The following RXFP1 variants were observed in gnomAD, a reference collection of about 807,000 sequenced individuals.
The protein encoded by RXFP1 is relaxin receptor 1.
A neutral mutation model predicts 89.8 loss-of-function variants in RXFP1; 73 were observed. The observed-to-expected ratio is 0.81, with a 90% confidence interval of 0.67 to 0.99. The LOEUF (loss-of-function observed/expected upper bound fraction) is 0.99. RXFP1 is among the 50% of genes least tolerant of loss of function. The pLI, the probability that RXFP1 is intolerant of heterozygous loss-of-function variation, is 0.00. For missense variants in RXFP1, 793 were observed against 895.5 expected (o/e 0.89, Z 1.46); for synonymous variants, 277 against 305.5 (o/e 0.91, Z 0.97).
chr4:158,549,857 C>G (rs1193192500), intron 1 of RXFP1, among the ~76,000 whole-genome samples: 1 of 152,210 alleles, frequency 6.6e-6, no homozygotes, highest in East Asian at 1.9e-4. Context: ...TCAGTCTGCC[C>G]CTACTGGGGG....
chr4:158,638,146 T>G, intron 13 of RXFP1, 67 bp downstream of exon 13: 3 of 854,544 alleles, frequency 3.5e-6, no homozygotes, highest in South Asian at 1.6e-5. Context: ...AATGTATATT[T>G]TTATATATTT....
chr4:158,523,085 T>G (rs563020408), intron 1 of RXFP1, among the ~76,000 whole-genome samples: 104 of 152,300 alleles, frequency 6.8e-4, no homozygotes, highest in Admixed American at 3.3e-3. Context: ...TGGGGAAATA[T>G]TCTAGTCCTA....
intron 10 of RXFP1, among the ~76,000 whole-genome samples, chr4:158,627,547 G>C: frequency 8.7e-6 from 1 of 115,352 alleles, no homozygotes; most frequent in Admixed American, 9.2e-5. Context: ...GTGTGTGTGT[G>C]TGTTTTATGA....
chr4:158,568,224 C>G (rs149119696), intron 1 of RXFP1, among the ~76,000 whole-genome samples: 3 of 152,224 alleles, frequency 2.0e-5, no homozygotes, highest in African/African-American at 7.2e-5. Context: ...TAACACTCAA[C>G]GCGAGGGTCT....
intron 1 of RXFP1, among the ~76,000 whole-genome samples, chr4:158,546,334 C>T (rs1427468114): frequency 1.3e-5 from 2 of 152,158 alleles, no homozygotes; most frequent in African/African-American, 4.8e-5. Flanking sequence ...TGCTTATCAG[C>T]TTAAAGAGAT....
chr4:158,605,160 TG>T, intron 5 of RXFP1, 21 bp downstream of exon 5: 1 of 1,477,612 alleles, frequency 6.8e-7, no homozygotes, highest in Non-Finnish European at 9.4e-7. Flanking sequence ...ACTTAATTCC[TG>T]GTATTACAAT....
At chr4:158,588,289 C>T (rs77587872) in intron 2 of RXFP1, among the ~76,000 whole-genome samples, 14 of 152,224 alleles carry the variant, frequency 9.2e-5, no homozygotes, top group Non-Finnish European at 1.5e-4. Flanking sequence ...ATCATTGTTC[C>T]GCCGTACTTT....
At chr4:158,580,189 T>A (rs1393162412) in intron 2 of RXFP1, among the ~76,000 whole-genome samples, 1 of 152,168 alleles carries the variant, frequency 6.6e-6, no homozygotes, top group African/African-American at 2.4e-5. Flanking sequence ...TGGTCCTTAC[T>A]TCCCAGCTAC....
intron 1 of RXFP1, among the ~76,000 whole-genome samples, chr4:158,547,466 TTTAG>T (rs1366916140): frequency 6.6e-6 from 1 of 152,146 alleles, no homozygotes; most frequent in African/African-American, 2.4e-5. Flanking sequence ...CTGCTCTGAC[TTTAG>T]TTATTTCTTG....
At chr4:158,628,745 C>T (rs1243374944) in intron 11 of RXFP1, 36 bp downstream of exon 11, 3 of 1,179,796 alleles carry the variant, frequency 2.5e-6, no homozygotes, top group South Asian at 2.9e-5. Context: ...TAAGAATTTT[C>T]TTTCTACTGT....
upstream of RXFP1, chr4:158,521,792 G>T: frequency 1.8e-6 from 1 of 543,218 alleles, no homozygotes; most frequent in Non-Finnish European, 3.3e-6. Flanking sequence ...TAGAAAGGAG[G>T]AAAGAAAAAA....
chr4:158,575,131 T>C (rs1234339452), intron 2 of RXFP1, among the ~76,000 whole-genome samples: 1 of 152,124 alleles, frequency 6.6e-6, no homozygotes, highest in Non-Finnish European at 1.5e-5. Flanking sequence ...GAAAAAAAGC[T>C]TGGGAACTCT....
At chr4:158,576,380 G>A (rs1182735340) in intron 2 of RXFP1, among the ~76,000 whole-genome samples, 1 of 151,424 alleles carries the variant, frequency 6.6e-6, no homozygotes, top group Non-Finnish European at 1.5e-5. Flanking sequence ...AGGCAACATG[G>A]CAAAAACCTG....
intron 11 of RXFP1, among the ~76,000 whole-genome samples, chr4:158,631,972 A>G (rs1412645724): frequency 6.6e-6 from 1 of 152,268 alleles, no homozygotes; most frequent in East Asian, 1.9e-4. Flanking sequence ...ATATGGCTGT[A>G]GTCCCAGCTA....
At chr4:158,595,028 A>G (rs116627807) in intron 3 of RXFP1, among the ~76,000 whole-genome samples, 309 of 152,344 alleles carry the variant, frequency 2.0e-3, no homozygotes, top group African/African-American at 7.2e-3. Flanking sequence ...TATAAGCACA[A>G]TGTATTATGT....
intron 1 of RXFP1, among the ~76,000 whole-genome samples, chr4:158,560,189 T>A (rs895004776): frequency 2.6e-5 from 4 of 152,150 alleles, no homozygotes; most frequent in Admixed American, 2.0e-4. Context: ...CCCAACAATA[T>A]CTCCACACCG....
chr4:158,648,384 G>T (rs998781282), intron 16 of RXFP1, 115 bp from the exon 17 acceptor site: 6 of 669,302 alleles, frequency 9.0e-6, no homozygotes, highest in Non-Finnish European at 1.4e-5. Flanking sequence ...TATAGTCTTT[G>T]TATCTTTAGT....
intron 8 of RXFP1, among the ~76,000 whole-genome samples, chr4:158,614,645 A>G (rs1764203095): frequency 6.6e-6 from 1 of 152,232 alleles, no homozygotes; most frequent in Non-Finnish European, 1.5e-5. Flanking sequence ...GCTTAAAGGA[A>G]TGATGTGGCT....
rs1351212133 is a variant in RXFP1, at chr4:158,652,491, T to C, written c.*436T>C. ...TACCTGTCATGTGCATCAGCAAGAA[T>C]CATAGGCACTTTTAAATAAAGGTTT... On this transcript the variant is annotated 3_prime_UTR_variant, in exon 18 of 18. Coordinates refer to ENST00000307765, the MANE Select transcript of RXFP1 (RefSeq NM_021634.4). The C allele has an allele frequency of 6.5e-6, 1 of 153,100 alleles. No homozygotes were observed. Among genetic ancestry groups the C allele is most frequent in the Non-Finnish European group, 1.5e-5 (1 of 68,698 alleles). 9.5% of individuals were successfully genotyped at this position (153,100 alleles called of 1,614,324 possible).
Sources: allele counts gnomAD v4.1 joint callset (sites outside exome capture counted in the v4.1 genomes callset), GRCh38; gene constraint gnomAD v4.1.1; transcripts MANE v1.5; gene names NCBI Gene and HGNC (gene_info 2026-07-23, HGNC 2026-07-21).